Variants in FAM13B observed in about 807,000 individuals in gnomAD.
The protein encoded by FAM13B is family with sequence similarity 13 member B, also known as protein FAM13B.
FAM13B carries 60 observed loss-of-function variants against 117.3 expected under a neutral mutation model. The ratio of observed to expected loss-of-function variants is 0.51; its 90% CI spans 0.42 to 0.63. The LOEUF is 0.63. FAM13B is among the 30% of genes least tolerant of loss of function. The probability of loss-of-function intolerance (pLI) is 0.00; values close to 1 mark genes in which losing one functional copy is unlikely to be tolerated. For missense variants in FAM13B, 972 were observed against 1,091.9 expected (o/e 0.89, Z 1.55); for synonymous variants, 332 against 356.1 (o/e 0.93, Z 0.76).
chr5:138,013,989 A>G (rs1311444647), intron 4 of FAM13B, among the ~76,000 whole-genome samples: 1 of 152,144 alleles, frequency 6.6e-6, no homozygotes, highest in Non-Finnish European at 1.5e-5. Context: ...GCTGGAGTGC[A>G]GTGGCATGAT....
chr5:137,969,674 G>A (rs1466424215), intron 10 of FAM13B, among the ~76,000 whole-genome samples: 4 of 152,140 alleles, frequency 2.6e-5, no homozygotes, highest in African/African-American at 9.7e-5. Context: ...GCTACGGGAG[G>A]ACATTCAAAC....
At chr5:137,984,018 C>T (rs1048430837) in intron 10 of FAM13B, among the ~76,000 whole-genome samples, 8 of 152,044 alleles carry the variant, frequency 5.3e-5, no homozygotes, top group Non-Finnish European at 7.4e-5. Flanking sequence ...TTTTGAATGT[C>T]TTAGATGCTG....
intron 7 of FAM13B, among the ~76,000 whole-genome samples, chr5:137,997,307 A>C (rs945372046): frequency 1.3e-5 from 2 of 151,998 alleles, no homozygotes; most frequent in Non-Finnish European, 2.9e-5. Context: ...ATCTCTACTA[A>C]AATTACAAAA....
intron 18 of FAM13B, 29 bp from the exon 19 acceptor site, chr5:137,946,340 T>TACAAAAAAAAAAAAAAAAA: frequency 8.2e-7 from 1 of 1,219,544 alleles, no homozygotes; most frequent in Non-Finnish European, 1.1e-6. Flanking sequence ...AATAACAAAA[T>TACAAAAAAAAAAAAAAAAA]ACAAAAAAAA....
intron 17 of FAM13B, 72 bp downstream of exon 17, chr5:137,952,556 T>C (rs1239420278): frequency 1.7e-5 from 16 of 930,258 alleles, no homozygotes; most frequent in Non-Finnish European, 2.4e-5. Context: ...AAAGTTGTAT[T>C]TGTGATTCTC....
In FAM13B at chr5:137,940,491, T is replaced by A. The variant is rs1761363539; in HGVS notation, c.2691-143A>T. 14 of 612,298 alleles carry A rather than the reference T, an allele frequency of 2.3e-5. No homozygotes were observed. In the South Asian group the frequency reaches 3.1e-4, roughly 14 times the overall value. 37.9% of individuals were successfully genotyped at this position (612,298 alleles called of 1,614,324 possible). A position where few individuals can be genotyped will look rare whatever the true frequency, so the allele number is the denominator to read the frequency against. ...TGTTAAAAAAAAAAAAAAAGGTTAT[T>A]GAACTAATACCCTCATCCCCAAGGA... On this transcript the variant is annotated intron_variant, in intron 23 of 23. Coordinates refer to ENST00000689681, the MANE Select transcript of FAM13B (RefSeq NM_001385994.1).
intron 9 of FAM13B, among the ~76,000 whole-genome samples, 195 bp downstream of exon 9, chr5:137,987,266 T>C (rs1561497662): frequency 6.6e-6 from 1 of 151,842 alleles, no homozygotes; most frequent in African/African-American, 2.4e-5. Flanking sequence ...TAATAAAACA[T>C]ATATTATGAA....
At position 137,949,193 on chromosome 5, in the gene FAM13B, C is replaced by T; in HGVS notation, c.1931-9G>A. The T allele has an allele frequency of 1.9e-6, 3 of 1,605,170 alleles. No homozygotes were observed. The highest frequency in any genetic ancestry group is 2.6e-6 in the Non-Finnish European group (3 of 1,172,242). On this transcript the variant is annotated splice_polypyrimidine_tract_variant and intron_variant, in intron 17 of 23. Transcript: ENST00000689681. ...ATTTTTGTGTTTTGCATCTACATGT[C>T]AGAAATAAGGACAGATCAGTAATAA...
chr5:138,003,222 T>C (rs1485321806), intron 7 of FAM13B, among the ~76,000 whole-genome samples: 1 of 152,106 alleles, frequency 6.6e-6, no homozygotes, highest in Non-Finnish European at 1.5e-5. Flanking sequence ...TAATAACAAA[T>C]AGAATATAAA....
upstream of FAM13B, among the ~76,000 whole-genome samples, chr5:138,034,995 CTTTTTTTTTTTT>C (rs557807234): frequency 7.3e-4 from 25 of 34,376 alleles, no homozygotes; most frequent in East Asian, 8.6e-3. Flanking sequence ...ATTCCCTTGC[CTTTTTTTTTTTT>C]TTTTTTTTTT....
At chr5:138,000,283 T>C (rs1780891086) in intron 7 of FAM13B, among the ~76,000 whole-genome samples, 1 of 152,020 alleles carries the variant, frequency 6.6e-6, no homozygotes, top group South Asian at 2.1e-4. Context: ...CCTGTAGTCC[T>C]AGCTATTCAT....
At chr5:138,006,018 C>G (rs1253731894) in intron 7 of FAM13B, among the ~76,000 whole-genome samples, 1 of 151,924 alleles carries the variant, frequency 6.6e-6, no homozygotes, top group Non-Finnish European at 1.5e-5. Context: ...CCTGCCTCAG[C>G]CTCCCGTGTA....
At chr5:138,014,012 C>G (rs903631669) in intron 4 of FAM13B, among the ~76,000 whole-genome samples, 1 of 152,146 alleles carries the variant, frequency 6.6e-6, no homozygotes, top group Non-Finnish European at 1.5e-5. Context: ...CTGAGGCCCA[C>G]CACAGCCTCA....
chr5:137,959,090 TTC>T (rs1251107252), intron 13 of FAM13B, among the ~76,000 whole-genome samples: 1 of 152,224 alleles, frequency 6.6e-6, no homozygotes, highest in Non-Finnish European at 1.5e-5. Context: ...AAATTTTAAC[TTC>T]TCTCCTTTGT....
At chr5:137,975,323 G>A (rs992033739) in intron 10 of FAM13B, among the ~76,000 whole-genome samples, 3 of 152,266 alleles carry the variant, frequency 2.0e-5, no homozygotes, top group African/African-American at 7.2e-5. Context: ...TCTGTACCCT[G>A]GCTAACTATT....
At chr5:137,942,425 C>A in intron 22 of FAM13B, 1 of 222,208 alleles carries the variant, frequency 4.5e-6, no homozygotes, top group South Asian at 9.1e-5. Context: ...AACAGCGGTG[C>A]GACAGTGGCC....
chr5:137,939,235 AAAGAT>A lies in FAM13B; in HGVS notation c.*985_*989del, dbSNP rs2150080844. On this transcript the variant is annotated 3_prime_UTR_variant, in exon 24 of 24. Coordinates refer to ENST00000689681, the MANE Select transcript of FAM13B (RefSeq NM_001385994.1). Reference sequence around the variant, plus strand: ...GATTAAAATAGGAGGGGAAAAAAAAAAAGATAACCCCCTGAAGGTACATGTGAAAA... The same window carrying A: ...GATTAAAATAGGAGGGGAAAAAAAAAAACCCCCTGAAGGTACATGTGAAAA... 1.3e-5 allele frequency: 2 copies of A among 152,692 alleles called. No individual in the cohort carries two copies. The highest frequency in any genetic ancestry group is 2.9e-5 in the Non-Finnish European group (2 of 68,032). The allele number at this position is 152,692 out of a possible 1,614,324, so 9.5% of individuals were successfully genotyped here.
At chr5:137,999,115 T>C (rs1780558087) in intron 7 of FAM13B, among the ~76,000 whole-genome samples, 1 of 151,714 alleles carries the variant, frequency 6.6e-6, no homozygotes, top group African/African-American at 2.4e-5. Flanking sequence ...TTTTTTTTTT[T>C]TTGTCTTTTT....
At chr5:138,001,594 A>G (rs755079244) in intron 7 of FAM13B, among the ~76,000 whole-genome samples, 10 of 152,234 alleles carry the variant, frequency 6.6e-5, no homozygotes, top group Non-Finnish European at 1.3e-4. Flanking sequence ...TTATAAATAC[A>G]TAAGTAAACA....
Sources: gnomAD v4.1 joint callset for allele counts (sites outside exome capture counted in the v4.1 genomes callset) on GRCh38, gnomAD v4.1.1 for gene constraint, MANE v1.5 for transcripts, NCBI Gene and HGNC (gene_info 2026-07-23, HGNC 2026-07-21) for gene names.